The following TSPAN19 variants were observed in gnomAD, a reference collection of about 807,000 sequenced individuals.
TSPAN19 encodes tetraspanin 19, also known as tetraspanin-19.
In TSPAN19, 44 loss-of-function variants were observed where a neutral mutation model predicts 35.1. That is an observed-to-expected ratio of 1.25 (90% CI 0.98 to 1.61). The LOEUF (loss-of-function observed/expected upper bound fraction) is 1.61. Among genes scored for constraint, TSPAN19 ranks in the 40% most tolerant of loss-of-function variants. The pLI, the probability that TSPAN19 is intolerant of heterozygous loss-of-function variation, is 0.00. For missense variants in TSPAN19, 290 were observed against 280.0 expected (o/e 1.04, Z -0.26); for synonymous variants, 79 against 92.0 (o/e 0.86, Z 0.81).
At chr12:85,029,485 T>C (rs990517090) in intron 3 of TSPAN19, among the ~76,000 whole-genome samples, 5 of 152,128 alleles carry the variant, frequency 3.3e-5, no homozygotes, top group African/African-American at 1.2e-4. Flanking sequence ...TAATACATTA[T>C]TGTTAACTAC....
rs1021074266 is a variant in TSPAN19 at position 85,019,637 on chromosome 12, A to T, written c.439T>A (p.Leu147Ile). The change falls in exon 6 of 9, where the codon TTA (leucine) becomes ATA (isoleucine). Residue 147 changes from leucine (L) to isoleucine (I), a missense_variant. Physicochemically the swap from Leu to Ile is conservative, Grantham distance 5 (BLOSUM62 2). Transcript: ENST00000532498. ...DITKWTILNALQKTLQCCGQH... is the reference protein window; with the variant it reads ...DITKWTILNAIQKTLQCCGQH... ...TAATTTCATCTTACTGTTTTCTGTA[A>T]GGCATTCAGAATAGTCCACTTGGTT... 5 of 1,588,922 alleles carry T rather than the reference A, an allele frequency of 3.1e-6. No homozygotes were observed. The highest frequency in any genetic ancestry group is 4.3e-6 in the Non-Finnish European group (5 of 1,158,994).
chr12:85,029,094 C>T (rs1194620065), intron 3 of TSPAN19, among the ~76,000 whole-genome samples: 1 of 152,080 alleles, frequency 6.6e-6, no homozygotes, highest in East Asian at 1.9e-4. Flanking sequence ...ATTATAGGCA[C>T]TTTGTTTTTC....
chr12:85,026,511 TG>T (rs1281387862), intron 4 of TSPAN19, among the ~76,000 whole-genome samples: 1 of 152,010 alleles, frequency 6.6e-6, no homozygotes, highest in Non-Finnish European at 1.5e-5. Flanking sequence ...CCTGGTAAGG[TG>T]GTAAAACCCC....
At chr12:85,025,522 T>G (rs1161032226) in intron 4 of TSPAN19, among the ~76,000 whole-genome samples, 1 of 151,650 alleles carries the variant, frequency 6.6e-6, no homozygotes, top group Non-Finnish European at 1.5e-5. Context: ...GGAATAGCTT[T>G]TTTTGTTGGG....
intron 6 of TSPAN19, among the ~76,000 whole-genome samples, chr12:85,017,847 T>G (rs1367298832): frequency 6.6e-6 from 1 of 151,856 alleles, no homozygotes; most frequent in Non-Finnish European, 1.5e-5. Context: ...AATTATTACA[T>G]CTGAATTTTA....
At chr12:85,035,982 C>G (rs1017508157) in intron 1 of TSPAN19, among the ~76,000 whole-genome samples, 1 of 151,902 alleles carries the variant, frequency 6.6e-6, no homozygotes, top group African/African-American at 2.4e-5. Flanking sequence ...AACTTATTGA[C>G]TTCTCTTCCA....
At chr12:85,025,846 G>T (rs1351023728) in intron 4 of TSPAN19, among the ~76,000 whole-genome samples, 1 of 152,172 alleles carries the variant, frequency 6.6e-6, no homozygotes, top group African/African-American at 2.4e-5. Context: ...TAGCTTTTAG[G>T]CCTATAATAT....
intron 7 of TSPAN19, 184 bp from the exon 8 acceptor site, chr12:85,016,155 T>A (rs1029478411): frequency 2.2e-6 from 1 of 446,300 alleles, no homozygotes. Context: ...GACACCTCAG[T>A]TGCTAATTTT....
At chr12:85,024,917 T>G (rs929448731) in intron 4 of TSPAN19, 2 of 152,118 alleles carry the variant, frequency 1.3e-5, no homozygotes, top group Non-Finnish European at 2.9e-5. Context: ...AAAAATTATT[T>G]AATTACACAT....
rs1431291907 is a variant in TSPAN19, at chr12:85,027,937, T to C, written c.226A>G (p.Ile76Val). The C allele has an allele frequency of 1.4e-5, 23 of 1,595,736 alleles. No homozygotes were observed. The highest frequency in any genetic ancestry group is 2.0e-5 in the Non-Finnish European group (23 of 1,170,308). The stretch of plus-strand genomic sequence containing the variant: ...CATCTGATTTCGTTGTGAATTCCTA[T>C]ATAACCCAATAGACAAAAAAGAACA... ...STVLFCLLGY[I>V]GIHNEIRWLL... Residue 76 changes from isoleucine (I) to valine (V), a missense_variant, in exon 4 of 9, where the codon ATA becomes GTA. By Grantham distance (29) the Ile-to-Val change is conservative. Transcript: ENST00000532498.
intron 8 of TSPAN19, chr12:85,015,619 T>C: frequency 4.2e-6 from 1 of 239,064 alleles, no homozygotes; most frequent in East Asian, 8.2e-5. Context: ...GATCTATTTA[T>C]AGATATATAT....
chr12:85,024,238 C>A (rs1450916174), intron 4 of TSPAN19, among the ~76,000 whole-genome samples: 1 of 152,180 alleles, frequency 6.6e-6, no homozygotes, highest in Admixed American at 6.6e-5. Context: ...CTTCCAAGAA[C>A]ATCTTATCTG....
At position 85,017,168 on chromosome 12, in the gene TSPAN19, T is replaced by C. The variant is rs1876858394; in HGVS notation, c.594+288A>G. On this transcript the variant is annotated intron_variant, in intron 7 of 8. Transcript: ENST00000532498. Reference sequence around the variant, plus strand: ...CTTTGACAGAAGTGCCTCCTCTTTCTGCAGGACTTCTCAAGGAAGGCTGGG... The same window carrying C: ...CTTTGACAGAAGTGCCTCCTCTTTCCGCAGGACTTCTCAAGGAAGGCTGGG... 7 of 303,582 alleles carry C rather than the reference T, an allele frequency of 2.3e-5. No homozygotes were observed. The South Asian group carries it at 2.8e-4, about 12-fold the overall frequency. 18.8% of individuals were successfully genotyped at this position (303,582 alleles called of 1,614,324 possible). A position where few individuals can be genotyped will look rare whatever the true frequency, so the allele number is the denominator to read the frequency against.
intron 1 of TSPAN19, among the ~76,000 whole-genome samples, chr12:85,033,064 T>A (rs560488464): frequency 1.3e-5 from 2 of 152,190 alleles, no homozygotes; most frequent in South Asian, 4.1e-4. Flanking sequence ...AGGAGTCAAA[T>A]ATTAAAACCT....
At chr12:85,027,702 A>T (rs1877482400) in intron 4 of TSPAN19, among the ~76,000 whole-genome samples, 197 bp downstream of exon 4, 1 of 152,190 alleles carries the variant, frequency 6.6e-6, no homozygotes, top group Admixed American at 6.5e-5. Context: ...TACAGATTCA[A>T]TTCATAGAAA....
At chr12:85,023,248 G>A (rs1391581350) in intron 5 of TSPAN19, 78 bp downstream of exon 5, 2 of 1,197,130 alleles carry the variant, frequency 1.7e-6, no homozygotes, top group Non-Finnish European at 1.2e-6. Context: ...AGGATCAATG[G>A]TCTCAATACT....
At chr12:85,030,008 CACA>C (rs1280765218) in intron 1 of TSPAN19, 35 bp from the exon 2 acceptor site, 9 of 1,322,860 alleles carry the variant, frequency 6.8e-6, no homozygotes, top group East Asian at 2.6e-5. Context: ...AAACATTCTA[CACA>C]ACAACTTTAA....
In TSPAN19 at chr12:85,033,023, A is replaced by G. The variant is rs534580343; in HGVS notation, c.-27-3050T>C. Among the ~76,000 whole-genome samples the G allele has an allele frequency of 5.3e-5, 8 of 152,246 alleles. No individual in the cohort carries two copies. In the East Asian group the frequency reaches 1.3e-3, roughly 26 times the overall value. On this transcript the variant is annotated intron_variant, in intron 1 of 8. Transcript: ENST00000532498. ...TATATTCTAAGTTCCAAGAGATGGG[A>G]ACACACAAATGAACAAGTAAGAGAA... is the stretch of plus-strand genomic sequence containing the variant.
intron 4 of TSPAN19, among the ~76,000 whole-genome samples, chr12:85,026,093 C>T (rs1004929880): frequency 3.9e-5 from 6 of 152,066 alleles, no homozygotes; most frequent in Admixed American, 3.3e-4. Flanking sequence ...CATTCAGATG[C>T]CATTAATGCT....
Sources: gnomAD v4.1 joint callset for allele counts (sites outside exome capture counted in the v4.1 genomes callset) on GRCh38, gnomAD v4.1.1 for gene constraint, MANE v1.5 for transcripts, NCBI Gene and HGNC (gene_info 2026-07-23, HGNC 2026-07-21) for gene names.